COL8A1: variants seen among roughly 807,000 people sequenced by gnomAD.
The protein encoded by COL8A1 is collagen type VIII alpha 1 chain.
In COL8A1, 21 loss-of-function variants were observed where a neutral mutation model predicts 42.7. The ratio of observed to expected loss-of-function variants is 0.49; its 90% CI spans 0.35 to 0.71. The LOEUF (loss-of-function observed/expected upper bound fraction) is 0.71. Ranked by LOEUF, COL8A1 falls within the 30% of genes least tolerant of loss-of-function variation. The probability of loss-of-function intolerance (pLI) is 0.01; values close to 1 mark genes in which losing one functional copy is unlikely to be tolerated. For missense variants in COL8A1, 788 were observed against 962.4 expected (o/e 0.82, Z 2.40); for synonymous variants, 367 against 369.1 (o/e 0.99, Z 0.06).
At chr3:99,669,722 GGA>G (rs1938484042) in intron 1 of COL8A1, among the ~76,000 whole-genome samples, 1 of 152,018 alleles carries the variant, frequency 6.6e-6, no homozygotes. Context: ...AAGAAAGATA[GGA>G]GAGACAAAAT....
intron 1 of COL8A1, among the ~76,000 whole-genome samples, chr3:99,668,518 C>G (rs1397330791): frequency 1.3e-5 from 2 of 152,044 alleles, no homozygotes; most frequent in Non-Finnish European, 2.9e-5. Flanking sequence ...ATCAAGTCAT[C>G]TTCTAAAACA....
Position 99,795,302 on chromosome 3 carries a change from A to G in COL8A1, c.1401A>G (p.Lys467=). ...PIGPKGEAGQ[K]GVPGLPGVPG... Reference sequence around the variant, plus strand: ...GGCCCAAGGGGGAAGCTGGGCAAAAAGGTGTACCAGGACTCCCTGGTGTTC... The same window carrying G: ...GGCCCAAGGGGGAAGCTGGGCAAAAGGGTGTACCAGGACTCCCTGGTGTTC... The change falls in exon 4 of 4, where the codon AAA becomes AAG. Residue 467 remains lysine, a synonymous_variant. Transcript: ENST00000652472. The G allele has an allele frequency of 6.2e-7, 1 of 1,609,850 alleles. No homozygotes were observed. Among genetic ancestry groups the G allele is most frequent in the South Asian group, 1.1e-5 (1 of 90,314 alleles).
At chr3:99,752,807 C>T (rs776024283) in intron 2 of COL8A1, among the ~76,000 whole-genome samples, 12 of 152,070 alleles carry the variant, frequency 7.9e-5, no homozygotes, top group Admixed American at 2.0e-4. Context: ...CAAACTCCCG[C>T]ATAAATAAAT....
intron 2 of COL8A1, among the ~76,000 whole-genome samples, chr3:99,763,290 A>G (rs2107428063): frequency 6.6e-6 from 1 of 152,320 alleles, no homozygotes; most frequent in South Asian, 2.1e-4. Flanking sequence ...CATTGTCATA[A>G]ATTTCTTTAG....
chr3:99,674,558 G>T (rs1938637511), intron 1 of COL8A1, among the ~76,000 whole-genome samples: 1 of 151,868 alleles, frequency 6.6e-6, no homozygotes, highest in Non-Finnish European at 1.5e-5. Flanking sequence ...CTCTATTCTG[G>T]CTATGCAGCT....
intron 1 of COL8A1, among the ~76,000 whole-genome samples, chr3:99,652,587 C>T (rs1328176292): frequency 6.6e-6 from 1 of 152,124 alleles, no homozygotes; most frequent in African/African-American, 2.4e-5. Context: ...TTTGGAGCAT[C>T]CTGGTAGCAG....
At chr3:99,773,815 G>GTATATATATATATATATATATATA (rs1553682062) in intron 2 of COL8A1, among the ~76,000 whole-genome samples, 5 of 35,914 alleles carry the variant, frequency 1.4e-4, no homozygotes, top group Admixed American at 8.4e-4. Context: ...ATATATGTGT[G>GTATATATATATATATATATATATA]TATATATATA....
At chr3:99,718,506 G>C (rs1338670386) in intron 1 of COL8A1, among the ~76,000 whole-genome samples, 1 of 152,024 alleles carries the variant, frequency 6.6e-6, no homozygotes, top group African/African-American at 2.4e-5. Flanking sequence ...TAATTAGAGA[G>C]GGCAGGGAAG....
At chr3:99,707,392 A>G (rs1939710066) in intron 1 of COL8A1, among the ~76,000 whole-genome samples, 1 of 152,160 alleles carries the variant, frequency 6.6e-6, no homozygotes, top group African/African-American at 2.4e-5. Context: ...CTCACATCCA[A>G]CTAAAGAGCT....
intron 1 of COL8A1, among the ~76,000 whole-genome samples, chr3:99,694,344 A>C (rs1939308470): frequency 1.3e-5 from 2 of 152,000 alleles, no homozygotes; most frequent in Non-Finnish European, 1.5e-5. Flanking sequence ...TCAGCTGGTC[A>C]TGGTGCCTGT....
At chr3:99,791,110 G>T (rs1385155667) in intron 3 of COL8A1, 100 bp downstream of exon 3, 57 of 1,137,510 alleles carry the variant, frequency 5.0e-5, no homozygotes, top group Non-Finnish European at 6.3e-5. Flanking sequence ...TTTAGTTTTA[G>T]AATTTGTTAC....
At chr3:99,664,152 T>C (rs1447136512) in intron 1 of COL8A1, among the ~76,000 whole-genome samples, 1 of 152,232 alleles carries the variant, frequency 6.6e-6, no homozygotes, top group Non-Finnish European at 1.5e-5. Context: ...TGTGCAACTA[T>C]ACAATTGTTT....
chr3:99,692,315 A>G (rs1399701132), intron 1 of COL8A1, among the ~76,000 whole-genome samples: 2 of 152,254 alleles, frequency 1.3e-5, no homozygotes, highest in Non-Finnish European at 2.9e-5. Context: ...CAAAAAACCA[A>G]GTATGTCTCA....
At chr3:99,738,547 G>A (rs138919572) in intron 1 of COL8A1, among the ~76,000 whole-genome samples, 4,034 of 152,324 alleles carry the variant, frequency 0.026, 169 homozygotes, top group African/African-American at 0.089. Context: ...GGGTTCAGGG[G>A]TCAGGGACCC....
chr3:99,685,110 GA>G (rs1209170517), intron 1 of COL8A1, among the ~76,000 whole-genome samples: 1 of 151,844 alleles, frequency 6.6e-6, no homozygotes, highest in Non-Finnish European at 1.5e-5. Flanking sequence ...TAAAAACTCA[GA>G]AAAAAATGAC....
chr3:99,791,413 T>C (rs903015441), intron 3 of COL8A1, among the ~76,000 whole-genome samples: 3 of 152,100 alleles, frequency 2.0e-5, no homozygotes, highest in Non-Finnish European at 2.9e-5. Context: ...AAGAGAGCAA[T>C]GTTGTAAGGA....
At position 99,718,904 on chromosome 3, in the gene COL8A1, C is replaced by T. The variant is rs140606640; in HGVS notation, c.-128-25993C>T. Among the ~76,000 whole-genome samples, 797 of 152,102 alleles carry T rather than the reference C, an allele frequency of 5.2e-3. 15 individuals carry two copies. The highest frequency in any genetic ancestry group is 0.041 in the Admixed American group (623 of 15,254). Reference sequence around the variant, plus strand: ...TTTAGCATGAATTTATTGAGTGCCTCATGACAGTAACAATCATGAAGATGA... The same window carrying T: ...TTTAGCATGAATTTATTGAGTGCCTTATGACAGTAACAATCATGAAGATGA... On this transcript the variant is annotated intron_variant, in intron 1 of 3. Coordinates refer to ENST00000652472, the MANE Select transcript of COL8A1 (RefSeq NM_020351.4).
rs779664873 is a variant in COL8A1, at chr3:99,794,474, G to A, written c.573G>A (p.Gly191=). Reference sequence around the variant, plus strand: ...AGAAAGGGGAAATTGGGCCTATGGGGATCCCAGGACCACAAGGACCTCCAG... The same window carrying A: ...AGAAAGGGGAAATTGGGCCTATGGGAATCCCAGGACCACAAGGACCTCCAG... ...IGQKGEIGPM[G]IPGPQGPPGP... The change falls in exon 4 of 4, where the codon GGG becomes GGA. Residue 191 remains glycine (G), a synonymous_variant. Coordinates refer to ENST00000652472, the MANE Select transcript of COL8A1 (RefSeq NM_020351.4). This position sits in a 1 kb window ranked among gnomAD's most constrained non-coding sequence, Gnocchi z 4.3. 6.2e-7 allele frequency: 1 copy of A among 1,614,102 alleles called. No individual in the cohort carries two copies. The highest frequency in any genetic ancestry group is 1.1e-5 in the South Asian group (1 of 91,078).
chr3:99,744,717 A>G (rs1325555117), intron 1 of COL8A1, among the ~76,000 whole-genome samples, 180 bp from the exon 2 acceptor site: 1 of 152,358 alleles, frequency 6.6e-6, no homozygotes, highest in South Asian at 2.1e-4. Context: ...AGCAATAAAG[A>G]TATACAATTT....
Sources: gnomAD v4.1 joint callset for allele counts (sites outside exome capture counted in the v4.1 genomes callset) on GRCh38, gnomAD v4.1.1 for gene constraint, Gnocchi (gnomAD v3.1) non-coding constraint, MANE v1.5 for transcripts, NCBI Gene and HGNC (gene_info 2026-07-23, HGNC 2026-07-21) for gene names.